The following CDH17 variants were observed in gnomAD, a reference collection of about 807,000 sequenced individuals.
CDH17 encodes cadherin 17.
In CDH17, 67 loss-of-function variants were observed where a neutral mutation model predicts 86.3. The observed-to-expected ratio is 0.78, with a 90% CI of 0.64 to 0.95. The LOEUF (loss-of-function observed/expected upper bound fraction) is 0.95, where lower values mean the gene tolerates loss of function less well. Ranked by LOEUF, CDH17 falls within the 40% of genes least tolerant of loss-of-function variation. The probability of loss-of-function intolerance (pLI) is 0.00; values close to 1 mark genes in which losing one functional copy is unlikely to be tolerated. For synonymous variants in CDH17, 367 were observed against 366.4 expected (o/e 1.00, Z -0.02); for missense variants, 993 against 1,017.6 (o/e 0.98, Z 0.33).
chr8:94,146,903 T>G (rs1812754578), intron 14 of CDH17, among the ~76,000 whole-genome samples: 1 of 151,462 alleles, frequency 6.6e-6, no homozygotes, highest in Admixed American at 6.5e-5. Context: ...CCTTGTTTGA[T>G]TCCAGTAATG....
rs1431393373 is a variant in CDH17 at position 94,146,085 on chromosome 8, G to A, written c.2010C>T (p.Asp670=). ...GATGGCAGAAGAACAAGCCCGTGTA[G>A]TCCTTGGCTAGCCTGGGAGGGTTGT... ...VNDNPPRLAK[D]YTGLFFCHPL... The change falls in exon 15 of 18, where the codon GAC becomes GAT. Residue 670 remains aspartate, a synonymous_variant. Transcript: ENST00000027335. The A allele has an allele frequency of 3.1e-6, 5 of 1,613,238 alleles. No homozygotes were observed. The African/African-American group carries it at 6.7e-5, about 22-fold the overall frequency.
At chr8:94,188,175 C>T (rs536016669) in intron 3 of CDH17, among the ~76,000 whole-genome samples, 1 of 152,136 alleles carries the variant, frequency 6.6e-6, no homozygotes, top group East Asian at 1.9e-4. Context: ...GGTCATGGAA[C>T]CTACTCGCAT....
intron 15 of CDH17, among the ~76,000 whole-genome samples, chr8:94,132,074 T>A (rs902456447): frequency 2.4e-4 from 36 of 152,230 alleles, no homozygotes; most frequent in African/African-American, 8.4e-4. Flanking sequence ...ATCCAGTCTA[T>A]CATTGATGGA....
At chr8:94,208,891 C>G (rs753170314), upstream of CDH17, among the ~76,000 whole-genome samples, 1 of 152,052 alleles carries the variant, frequency 6.6e-6, no homozygotes, top group African/African-American at 2.4e-5. Context: ...ATTTTGTACC[C>G]CCAACACTTA....
intron 15 of CDH17, among the ~76,000 whole-genome samples, chr8:94,132,179 T>C (rs1477606388): frequency 1.3e-5 from 2 of 152,196 alleles, no homozygotes; most frequent in African/African-American, 4.8e-5. Context: ...TTATAATCCT[T>C]TGGGTATATA....
intron 5 of CDH17, among the ~76,000 whole-genome samples, chr8:94,174,712 T>C (rs1376229385): frequency 1.3e-5 from 2 of 152,216 alleles, no homozygotes; most frequent in Non-Finnish European, 2.9e-5. Context: ...ACTGCATATC[T>C]GTGTGAGGCT....
At chr8:94,147,856 A>T (rs1316133468) in intron 14 of CDH17, among the ~76,000 whole-genome samples, 1 of 152,144 alleles carries the variant, frequency 6.6e-6, no homozygotes, top group East Asian at 1.9e-4. Flanking sequence ...TTCCTTTCAA[A>T]AGTTCACCTG....
At chr8:94,211,405 A>C (rs2129673952), upstream of CDH17, among the ~76,000 whole-genome samples, 1 of 152,228 alleles carries the variant, frequency 6.6e-6, no homozygotes, top group Non-Finnish European at 1.5e-5. Context: ...TCCGCCTCCC[A>C]GTTTCAAGTG....
intron 12 of CDH17, among the ~76,000 whole-genome samples, chr8:94,156,308 A>T (rs1027406890): frequency 6.6e-6 from 1 of 152,206 alleles, no homozygotes; most frequent in Non-Finnish European, 1.5e-5. Flanking sequence ...TCCAGATGAC[A>T]TTTGGTCTGG....
At chr8:94,209,016 G>A (rs1814081178), upstream of CDH17, among the ~76,000 whole-genome samples, 1 of 152,136 alleles carries the variant, frequency 6.6e-6, no homozygotes. Context: ...AGCCACATGA[G>A]ATATCATAAA....
At chr8:94,132,147 C>T (rs2513798) in intron 15 of CDH17, among the ~76,000 whole-genome samples, 125,369 of 152,142 alleles carry the variant, frequency 0.82, 51,813 homozygotes, top group African/African-American at 0.85. Flanking sequence ...TACGTGTGCA[C>T]GTGTCTTTAT....
At chr8:94,152,180 C>A in intron 12 of CDH17, 68 bp from the exon 13 acceptor site, 2 of 1,524,738 alleles carry the variant, frequency 1.3e-6, no homozygotes, top group South Asian at 1.2e-5. Context: ...CATTCCCTAT[C>A]CTTCTTAAAC....
At chr8:94,177,168 T>C (rs1813390189) in intron 4 of CDH17, among the ~76,000 whole-genome samples, 1 of 152,190 alleles carries the variant, frequency 6.6e-6, no homozygotes, top group Non-Finnish European at 1.5e-5. Flanking sequence ...TCCTGGCTAC[T>C]GGTTCCCTCT....
chr8:94,196,183 A>G (rs1813783665), intron 1 of CDH17, among the ~76,000 whole-genome samples: 1 of 152,192 alleles, frequency 6.6e-6, no homozygotes, highest in Non-Finnish European at 1.5e-5. Context: ...TTCTACATTG[A>G]ACACATATCA....
chr8:94,170,337 C>G, intron 9 of CDH17, 60 bp downstream of exon 9: 2 of 1,560,988 alleles, frequency 1.3e-6, no homozygotes, highest in Non-Finnish European at 1.7e-6. Context: ...TCACCTTTTA[C>G]CCAGCAGAGG....
At chr8:94,170,295 A>C in intron 9 of CDH17, 102 bp downstream of exon 9, 1 of 1,213,836 alleles carries the variant, frequency 8.2e-7, no homozygotes, top group East Asian at 2.4e-5. Flanking sequence ...TGTGGAAGAC[A>C]TGGATTACTG....
intron 12 of CDH17, 136 bp downstream of exon 12, chr8:94,159,835 C>T (rs1415991452): frequency 7.1e-6 from 4 of 564,972 alleles, no homozygotes; most frequent in East Asian, 3.2e-5. Context: ...AAGAGGAATC[C>T]AGGAATCCAG....
chr8:94,141,817 T>G (rs1417612941), intron 15 of CDH17, among the ~76,000 whole-genome samples: 1 of 152,140 alleles, frequency 6.6e-6, no homozygotes, highest in East Asian at 1.9e-4. Context: ...GTAGATTCAA[T>G]ACAATCTCAA....
chr8:94,173,621 C>A (rs1309016277), intron 7 of CDH17, among the ~76,000 whole-genome samples, 176 bp downstream of exon 7: 5 of 152,176 alleles, frequency 3.3e-5, no homozygotes, highest in Non-Finnish European at 7.3e-5. Context: ...GTTGCCTGCC[C>A]ATGATGCATG....
Sources: allele counts gnomAD v4.1 joint callset (sites outside exome capture counted in the v4.1 genomes callset), GRCh38; gene constraint gnomAD v4.1.1; transcripts MANE v1.5; gene names NCBI Gene and HGNC (gene_info 2026-07-23, HGNC 2026-07-21).